The following CCDC27 variants were observed in gnomAD, a reference collection of about 807,000 sequenced individuals.
CCDC27 encodes coiled-coil domain-containing protein 27.
A neutral mutation model predicts 80.3 loss-of-function variants in CCDC27; 80 were observed. That is an observed-to-expected ratio of 1.00 (90% CI 0.83 to 1.20). CCDC27 has a LOEUF of 1.20. Among genes scored for constraint, CCDC27 ranks in the 50% most tolerant of loss-of-function variants. The pLI is 0.00. For synonymous variants in CCDC27, 342 were observed against 334.3 expected (o/e 1.02, Z -0.25); for missense variants, 815 against 809.4 (o/e 1.01, Z -0.08).
rs1642927341 is a variant in CCDC27, at chr1:3,755,454, C to T, written c.443-3C>T. On this transcript the variant is annotated splice_polypyrimidine_tract_variant and splice_region_variant and intron_variant, in intron 2 of 11. Transcript: ENST00000294600. The stretch of plus-strand genomic sequence containing the variant: ...ACCAGATGGCATCTTTAACACTCTA[C>T]AGGTTCACCCACTGAGGCCGATTTG... 1.2e-6 allele frequency: 2 copies of T among 1,613,324 alleles called. No homozygotes were observed. The highest frequency in any genetic ancestry group is 8.5e-7 in the Non-Finnish European group (1 of 1,179,240).
At chr1:3,762,747 G>A (rs1276405061) in intron 6 of CCDC27, 35 bp downstream of exon 6, 2 of 1,532,040 alleles carry the variant, frequency 1.3e-6, no homozygotes, top group Non-Finnish European at 1.8e-6. Flanking sequence ...ACGCAGTGGG[G>A]GACCCGGGCC....
intron 11 of CCDC27, among the ~76,000 whole-genome samples, chr1:3,771,132 G>A (rs1643351624): frequency 6.6e-6 from 1 of 152,186 alleles, no homozygotes; most frequent in Admixed American, 6.5e-5. Flanking sequence ...CGCATTCTGT[G>A]ACTTCACTTC....
At chr1:3,752,902 G>A in intron 1 of CCDC27, 103 bp downstream of exon 1, 1 of 1,290,946 alleles carries the variant, frequency 7.7e-7, no homozygotes, top group South Asian at 1.5e-5. Context: ...CATTCCACAG[G>A]CCTTCTGGTG....
chr1:3,756,923 C>T (rs1642972260), intron 4 of CCDC27, 33 bp downstream of exon 4: 8 of 1,594,870 alleles, frequency 5.0e-6, no homozygotes, highest in Non-Finnish European at 6.8e-6. Context: ...TCCCGGCCCC[C>T]CACCCCTCTC....
rs1226538427 is a variant in CCDC27, at chr1:3,769,390, A to ACT, written c.1744-393_1744-392insCT. On this transcript the variant is annotated intron_variant, in intron 10 of 11. Transcript: ENST00000294600. The surrounding 1 kb of genome is among the most constrained non-coding windows in gnomAD (Gnocchi z 4.6). ...TAAAGTGAGAGTGTCCCCAAGGGCCAGGAAGTCCGCTCACTGCAGCTCCCC... is the reference window on the plus strand; with the variant it reads ...TAAAGTGAGAGTGTCCCCAAGGGCCACTGGAAGTCCGCTCACTGCAGCTCCCC... Among the ~76,000 whole-genome samples, 1 of 152,192 alleles carries ACT rather than the reference A, an allele frequency of 6.6e-6. No homozygotes were observed. Among genetic ancestry groups the ACT allele is most frequent in the East Asian group, 1.9e-4 (1 of 5,202 alleles).
chr1:3,758,415 T>G (rs1191856380), intron 4 of CCDC27, among the ~76,000 whole-genome samples: 1 of 151,398 alleles, frequency 6.6e-6, no homozygotes, highest in African/African-American at 2.4e-5. Context: ...CTTGATCTCT[T>G]GACTTCGTGA....
At position 3,755,689 on chromosome 1, in the gene CCDC27, G is replaced by A. The variant is rs1230823307; in HGVS notation, c.553+122G>A. Reference sequence around the variant, plus strand: ...CTCCCGGGACTGTCTGCCTCCTGAGGACTCACACAGAAAGGCCTCCGGGCC... The same window carrying A: ...CTCCCGGGACTGTCTGCCTCCTGAGAACTCACACAGAAAGGCCTCCGGGCC... On this transcript the variant is annotated intron_variant, in intron 3 of 11. Transcript: ENST00000294600. 3.6e-6 allele frequency: 3 copies of A among 822,474 alleles called. No homozygotes were observed. In the African/African-American group the frequency reaches 5.1e-5, roughly 14 times the overall value. 50.9% of individuals were successfully genotyped at this position (822,474 alleles called of 1,614,324 possible).
rs41315312 is a variant in CCDC27 at position 3,752,608 on chromosome 1, C to G, written c.127C>G (p.Arg43Gly). 1.2e-6 allele frequency: 2 copies of G among 1,613,954 alleles called. No homozygotes were observed. Among genetic ancestry groups the G allele is most frequent in the African/African-American group, 2.7e-5 (2 of 74,928 alleles). The change falls in exon 1 of 12, where the codon CGC becomes GGC. Residue 43 changes from arginine to glycine, a missense_variant. Physicochemically the swap from Arg to Gly is moderately radical, Grantham distance 125. Coordinates refer to ENST00000294600, the MANE Select transcript of CCDC27 (RefSeq NM_152492.3). ...AAGCTCACTTGGTCTTTGCATCCCA[C>G]GCCTCATGTTACCTAAGGAGGCCAG... The part of the protein sequence containing the change: ...QQSSLGLCIP[R>G]LMLPKEASPS...
chr1:3,757,106 T>G, intron 4 of CCDC27: 1 of 491,604 alleles, frequency 2.0e-6, no homozygotes, highest in Non-Finnish European at 3.7e-6. Flanking sequence ...TACGCCGGCA[T>G]GGAACTCAGA....
Position 3,763,514 on chromosome 1 carries a change from G to T in CCDC27, c.1321+40G>T. ...GGGGGCACTGGGCTTTGGCCACTCA[G>T]TGGTTCCCGGCCCAGGAGCTGGGAC... On this transcript the variant is annotated intron_variant, in intron 7 of 11. Transcript: ENST00000294600. The surrounding 1 kb of genome is among the most constrained non-coding windows in gnomAD (Gnocchi z 7.5). The T allele has an allele frequency of 6.4e-7, 1 of 1,556,974 alleles. No individual in the cohort carries two copies. The highest frequency in any genetic ancestry group is 8.7e-7 in the Non-Finnish European group (1 of 1,151,004).
chr1:3,763,601 C>G lies in CCDC27; in HGVS notation c.1322-105C>G, dbSNP rs1643149467. On this transcript the variant is annotated intron_variant, in intron 7 of 11. Transcript: ENST00000294600. The surrounding 1 kb of genome is among the most constrained non-coding windows in gnomAD (Gnocchi z 7.5). ...CAGGGGCAGGTGTCGGCAGCCTCACCCAGGCTGGCAGAGCCCTCCCAGCTG... is the reference window on the plus strand; with the variant it reads ...CAGGGGCAGGTGTCGGCAGCCTCACGCAGGCTGGCAGAGCCCTCCCAGCTG... 4 of 1,565,090 alleles carry G rather than the reference C, an allele frequency of 2.6e-6. No individual in the cohort carries two copies. Among genetic ancestry groups the G allele is most frequent in the Admixed American group, 1.7e-5 (1 of 57,676 alleles).
Position 3,769,050 on chromosome 1 carries a change from C to T in CCDC27, c.1744-733C>T, listed in dbSNP as rs900297390. Among the ~76,000 whole-genome samples, 1 of 152,326 alleles carries T rather than the reference C, an allele frequency of 6.6e-6. No homozygotes were observed. Among genetic ancestry groups the T allele is most frequent in the Admixed American group, 6.5e-5 (1 of 15,306 alleles). On this transcript the variant is annotated intron_variant, in intron 10 of 11. Transcript: ENST00000294600. The surrounding 1 kb of genome is among the most constrained non-coding windows in gnomAD (Gnocchi z 4.6). ...CCTCTCGGGCCCAGCTCCTGTGGGG[C>T]ACCTCTGCGTCGTCAGGGTTTCTGG...
chr1:3,763,913 C>T lies in CCDC27; in HGVS notation c.1452+77C>T. ...TTCATTAACCCCCGGCAGCTCGGGG[C>T]AGGCGCTGCCCGTCCCATCTACTGA... On this transcript the variant is annotated intron_variant, in intron 8 of 11. Coordinates refer to ENST00000294600, the MANE Select transcript of CCDC27 (RefSeq NM_152492.3). The surrounding 1 kb of genome is among the most constrained non-coding windows in gnomAD (Gnocchi z 7.5). 6.4e-7 allele frequency: 1 copy of T among 1,551,542 alleles called. No individual in the cohort carries two copies. Among genetic ancestry groups the T allele is most frequent in the South Asian group, 1.2e-5 (1 of 84,484 alleles).
chr1:3,765,020 A>T (rs1258193905), intron 8 of CCDC27, among the ~76,000 whole-genome samples: 1 of 137,878 alleles, frequency 7.3e-6, no homozygotes, highest in South Asian at 2.5e-4. Flanking sequence ...GGGCGACAAG[A>T]GCAAAACTCC....
intron 11 of CCDC27, 146 bp downstream of exon 11, chr1:3,770,033 T>A: frequency 1.5e-6 from 1 of 651,088 alleles, no homozygotes; most frequent in Non-Finnish European, 2.8e-6. Context: ...AGGACCCTCC[T>A]TTCTCTCAGC....
In CCDC27 at chr1:3,768,176, C is replaced by T. The variant is rs760458422; in HGVS notation, c.1743+731C>T. Among the ~76,000 whole-genome samples the T allele has an allele frequency of 6.6e-6, 1 of 150,798 alleles. No homozygotes were observed. The highest frequency in any genetic ancestry group is 1.5e-5 in the Non-Finnish European group (1 of 67,856). On this transcript the variant is annotated intron_variant, in intron 10 of 11. Coordinates refer to ENST00000294600, the MANE Select transcript of CCDC27 (RefSeq NM_152492.3). This position sits in a 1 kb window ranked among gnomAD's most constrained non-coding sequence, Gnocchi z 5.6. ...GTGGGGTGATAACAGCTCACTGCAGCCTTGGCCTCCCAGGCTCAAGCTGTC... is the reference window on the plus strand; with the variant it reads ...GTGGGGTGATAACAGCTCACTGCAGTCTTGGCCTCCCAGGCTCAAGCTGTC...
intron 2 of CCDC27, 103 bp downstream of exon 2, chr1:3,754,344 T>C: frequency 7.1e-7 from 1 of 1,401,994 alleles, no homozygotes; most frequent in Non-Finnish European, 9.4e-7. Context: ...CCGCCAGAGT[T>C]GGCCTCCACA....
At chr1:3,764,357 A>G (rs563882815) in intron 8 of CCDC27, among the ~76,000 whole-genome samples, 2 of 152,264 alleles carry the variant, frequency 1.3e-5, no homozygotes, top group South Asian at 4.1e-4. Flanking sequence ...CTAAGGCATC[A>G]TTTTAAATTC....
At chr1:3,754,271 A>G (rs955981427) in intron 2 of CCDC27, 30 bp downstream of exon 2, 2 of 1,549,830 alleles carry the variant, frequency 1.3e-6, no homozygotes, top group South Asian at 2.4e-5. Context: ...ACCGCCTGTG[A>G]AACTGCCTGT....
Sources: allele counts gnomAD v4.1 joint callset (sites outside exome capture counted in the v4.1 genomes callset), GRCh38; gene constraint gnomAD v4.1.1; non-coding constraint Gnocchi (gnomAD v3.1); transcripts MANE v1.5; gene names NCBI Gene and HGNC (gene_info 2026-07-23, HGNC 2026-07-21).